ZNF804B: variants seen among roughly 807,000 people sequenced by gnomAD.
ZNF804B encodes the protein zinc finger 804B.
A neutral mutation model predicts 101.4 loss-of-function variants in ZNF804B; 80 were observed. That is an observed-to-expected ratio of 0.79 (90% CI 0.66 to 0.95). The LOEUF (loss-of-function observed/expected upper bound fraction) is 0.95, where lower values mean the gene tolerates loss of function less well. Among genes scored for constraint, ZNF804B ranks in the 40% least tolerant of loss-of-function variants. ZNF804B has a pLI of 0.00. For synonymous variants in ZNF804B, 622 were observed against 558.8 expected (o/e 1.11, Z -1.59); for missense variants, 1,673 against 1,561.9 (o/e 1.07, Z -1.20).
intron 2 of ZNF804B, among the ~76,000 whole-genome samples, chr7:89,279,130 A>G (rs1230315173): frequency 6.6e-6 from 1 of 152,130 alleles, no homozygotes; most frequent in East Asian, 1.9e-4. Flanking sequence ...ATGGGAGTTC[A>G]CTCATGATTT....
chr7:89,111,722 T>G (rs1224784144), intron 1 of ZNF804B, among the ~76,000 whole-genome samples: 2 of 152,198 alleles, frequency 1.3e-5, no homozygotes, highest in Non-Finnish European at 2.9e-5. Context: ...TTAATAAAAA[T>G]CAACTTATTA....
chr7:88,785,941 A>G (rs1330518134), intron 1 of ZNF804B, among the ~76,000 whole-genome samples: 1 of 152,094 alleles, frequency 6.6e-6, no homozygotes, highest in African/African-American at 2.4e-5. Context: ...TGTAACTTGT[A>G]TATCCAGGAT....
chr7:88,823,313 A>T (rs1791009824), intron 1 of ZNF804B, among the ~76,000 whole-genome samples: 2 of 152,214 alleles, frequency 1.3e-5, no homozygotes, highest in Non-Finnish European at 1.5e-5. Context: ...CTCAAAACAC[A>T]AAATACTCAG....
At chr7:89,309,200 C>T (rs1386512649) in intron 2 of ZNF804B, among the ~76,000 whole-genome samples, 1 of 152,016 alleles carries the variant, frequency 6.6e-6, no homozygotes, top group East Asian at 1.9e-4. Flanking sequence ...TCCATGTGTA[C>T]CCAATGTTTA....
At chr7:88,975,775 G>A (rs1298882778) in intron 1 of ZNF804B, among the ~76,000 whole-genome samples, 1 of 151,516 alleles carries the variant, frequency 6.6e-6, no homozygotes, top group Non-Finnish European at 1.5e-5. Flanking sequence ...TTTTTAATTT[G>A]ATGTGATTGC....
intron 1 of ZNF804B, among the ~76,000 whole-genome samples, chr7:89,116,695 T>C (rs1790317044): frequency 6.6e-6 from 1 of 152,214 alleles, no homozygotes; most frequent in South Asian, 2.1e-4. Flanking sequence ...TCTTTACTTC[T>C]AATTTATTTA....
At chr7:89,169,047 T>C (rs1791187251) in intron 1 of ZNF804B, among the ~76,000 whole-genome samples, 1 of 152,076 alleles carries the variant, frequency 6.6e-6, no homozygotes, top group African/African-American at 2.4e-5. Flanking sequence ...CAGTGACTAG[T>C]GTTCAGCTCA....
chr7:89,308,316 A>G (rs944829467), intron 2 of ZNF804B, among the ~76,000 whole-genome samples: 2 of 152,102 alleles, frequency 1.3e-5, no homozygotes, highest in African/African-American at 4.8e-5. Flanking sequence ...TTGAGTTCTG[A>G]AAATTAGTTG....
chr7:88,871,512 G>A (rs1791822578), intron 1 of ZNF804B, among the ~76,000 whole-genome samples: 1 of 151,974 alleles, frequency 6.6e-6, no homozygotes, highest in South Asian at 2.1e-4. Context: ...TTATATAGCT[G>A]AAAATATATA....
rs1042098922 is a variant in ZNF804B, at chr7:88,860,874, A to G, written c.108+100790A>G. 2.0e-5 allele frequency among the ~76,000 whole-genome samples: 3 copies of G among 152,292 alleles called. No homozygotes were observed. In the South Asian group the frequency reaches 6.2e-4, roughly 32 times the overall value. On this transcript the variant is annotated intron_variant, in intron 1 of 3. Coordinates refer to ENST00000333190, the MANE Select transcript of ZNF804B (RefSeq NM_181646.5). ...TGCCATTTAATAAAATAGCACCAGA[A>G]TATTGATTAAGTAGTGTTGCTTTGA... is the stretch of plus-strand genomic sequence containing the variant.
intron 1 of ZNF804B, chr7:88,794,069 T>C (rs752364706): frequency 1.3e-6 from 1 of 764,624 alleles, no homozygotes; most frequent in Non-Finnish European, 2.1e-6. Flanking sequence ...TACCTCTGTG[T>C]ATATTGCAAT....
chr7:89,043,668 C>T (rs1291236682), intron 1 of ZNF804B, among the ~76,000 whole-genome samples: 1 of 152,112 alleles, frequency 6.6e-6, no homozygotes, highest in Non-Finnish European at 1.5e-5. Context: ...CACATTTTAA[C>T]AAATGTACTG....
chr7:88,888,445 T>C (rs932887636), intron 1 of ZNF804B, among the ~76,000 whole-genome samples: 2 of 152,056 alleles, frequency 1.3e-5, no homozygotes, highest in African/African-American at 4.8e-5. Flanking sequence ...TTAGTTATCA[T>C]CACCAATGAT....
intron 2 of ZNF804B, among the ~76,000 whole-genome samples, chr7:89,249,797 T>A (rs1183099885): frequency 6.6e-6 from 1 of 151,998 alleles, no homozygotes; most frequent in Non-Finnish European, 1.5e-5. Flanking sequence ...ACACCAGAAG[T>A]GAATGAAATT....
At chr7:88,969,090 T>C (rs901238574) in intron 1 of ZNF804B, among the ~76,000 whole-genome samples, 8 of 151,604 alleles carry the variant, frequency 5.3e-5, no homozygotes, top group Non-Finnish European at 3.0e-5. Flanking sequence ...GTCTATCTCT[T>C]GGTTTTACAG....
At chr7:89,198,825 C>A (rs1788591504) in intron 1 of ZNF804B, among the ~76,000 whole-genome samples, 1 of 151,858 alleles carries the variant, frequency 6.6e-6, no homozygotes, top group South Asian at 2.1e-4. Flanking sequence ...GACACAGTAG[C>A]AAAAGGTCAT....
At chr7:89,284,496 A>G (rs1790151494) in intron 2 of ZNF804B, among the ~76,000 whole-genome samples, 1 of 152,346 alleles carries the variant, frequency 6.6e-6, no homozygotes, top group African/African-American at 2.4e-5. Context: ...GTTGCCCACT[A>G]TTTGATGATA....
intron 1 of ZNF804B, among the ~76,000 whole-genome samples, chr7:89,077,613 C>CT (rs2116307980): frequency 6.6e-6 from 1 of 152,172 alleles, no homozygotes; most frequent in East Asian, 1.9e-4. Flanking sequence ...CAAAAGATAA[C>CT]TTTTTTAAAG....
intron 1 of ZNF804B, among the ~76,000 whole-genome samples, chr7:89,172,835 G>A (rs1791257713): frequency 6.6e-6 from 1 of 152,078 alleles, no homozygotes; most frequent in Non-Finnish European, 1.5e-5. Context: ...AAAAATTTAA[G>A]TAAACATTTT....
Sources: gnomAD v4.1 joint callset for allele counts (sites outside exome capture counted in the v4.1 genomes callset) on GRCh38, gnomAD v4.1.1 for gene constraint, MANE v1.5 for transcripts, NCBI Gene and HGNC (gene_info 2026-07-23, HGNC 2026-07-21) for gene names.